CTSS: variants seen among roughly 807,000 people sequenced by gnomAD.
CTSS encodes the protein cathepsin S.
In CTSS, 15 loss-of-function variants were observed where a neutral mutation model predicts 39.9. The observed-to-expected ratio is 0.38, with a 90% CI of 0.25 to 0.58. CTSS has a LOEUF of 0.58. Among genes scored for constraint, CTSS ranks in the 20% least tolerant of loss-of-function variants. The pLI, the probability that CTSS is intolerant of heterozygous loss-of-function variation, is 0.70. For missense variants in CTSS, 250 were observed against 398.2 expected, an observed-to-expected ratio of 0.63 and a Z score of 3.17; for synonymous variants, 126 against 138.2, an observed-to-expected ratio of 0.91 and a Z score of 0.62.
intron 2 of CTSS, among the ~76,000 whole-genome samples, chr1:150,763,042 C>T (rs771425732): frequency 3.0e-4 from 45 of 149,334 alleles, no homozygotes; most frequent in African/African-American, 4.7e-4. Flanking sequence ...CATTAAAAGA[C>T]GAATGGATAA....
intron 7 of CTSS, among the ~76,000 whole-genome samples, chr1:150,738,490 ATT>A (rs200199076): frequency 1.7e-4 from 23 of 138,794 alleles, no homozygotes; most frequent in Admixed American, 1.4e-4. Flanking sequence ...GTGATCAGTG[ATT>A]TTTTTTTTTT....
chr1:150,747,798 T>C lies in CTSS; in HGVS notation c.875A>G (p.Glu292Gly). 2 of 1,612,274 alleles carry C rather than the reference T, an allele frequency of 1.2e-6. No individual in the cohort carries two copies. The highest frequency in any genetic ancestry group is 8.5e-7 in the Non-Finnish European group (1 of 1,178,402). Reference protein sequence around the residue: ...VVGYGDLNGKEYWLVKNSWGH... With the variant: ...VVGYGDLNGKGYWLVKNSWGH... The stretch of plus-strand genomic sequence containing the variant: ...TTACCTGTTTTTCACAAGCCAGTAT[T>C]CTTTCCCATTAAGATCACCATAGCC... The change falls in exon 7 of 8, where the codon GAA becomes GGA. Residue 292 changes from glutamate to glycine, a missense_variant. Glu to Gly is a moderately conservative substitution (Grantham distance 98). Transcript: ENST00000368985.
chr1:150,761,451 G>A (rs587695286), intron 2 of CTSS, among the ~76,000 whole-genome samples: 2 of 152,188 alleles, frequency 1.3e-5, no homozygotes, highest in East Asian at 3.9e-4. Flanking sequence ...GACAAAATAG[G>A]CCGGGCGTGG....
intron 7 of CTSS, among the ~76,000 whole-genome samples, chr1:150,745,333 G>A (rs1004656569): frequency 6.6e-6 from 1 of 152,072 alleles, no homozygotes; most frequent in African/African-American, 2.4e-5. Flanking sequence ...GGTCATTAGG[G>A]TGGGTCCTAA....
At position 150,732,268 on chromosome 1, in the gene CTSS, A is replaced by G. The variant is rs1652540655; in HGVS notation, c.*778T>C. 1 of 152,182 alleles carries G rather than the reference A, an allele frequency of 6.6e-6. No individual in the cohort carries two copies. Among genetic ancestry groups the G allele is most frequent in the Non-Finnish European group, 1.5e-5 (1 of 68,018 alleles). The allele number at this position is 152,182 out of a possible 1,614,324, so 9.4% of individuals were successfully genotyped here. A position where few individuals can be genotyped will look rare whatever the true frequency, so the allele number is the denominator to read the frequency against. On this transcript the variant is annotated 3_prime_UTR_variant, in exon 8 of 8. Transcript: ENST00000368985. ...TGAGTCCTTAGGACATTTATAGCCT[A>G]ATATTTTCTTCCATCAAAGTTGCTA... is the stretch of plus-strand genomic sequence containing the variant.
At chr1:150,744,856 T>G (rs2101915297) in intron 7 of CTSS, among the ~76,000 whole-genome samples, 1 of 151,396 alleles carries the variant, frequency 6.6e-6, no homozygotes, top group East Asian at 1.9e-4. Flanking sequence ...AATGAATGAG[T>G]GAAGAGAAGC....
intron 6 of CTSS, chr1:150,748,140 A>C (rs587626862): frequency 7.9e-6 from 2 of 253,702 alleles, no homozygotes; most frequent in East Asian, 1.0e-4. Flanking sequence ...AAATACAAAA[A>C]TTAGCTGGGC....
chr1:150,764,784 A>G lies in CTSS; in HGVS notation c.-1-20T>C, dbSNP rs1653336690. ...TTCATTCTGTGTAAGGAAAGGTAACATAGGAAGTGTTGCTATTAGCTGCAT... is the reference window on the plus strand; with the variant it reads ...TTCATTCTGTGTAAGGAAAGGTAACGTAGGAAGTGTTGCTATTAGCTGCAT... On this transcript the variant is annotated intron_variant, in intron 1 of 7. Coordinates refer to ENST00000368985, the MANE Select transcript of CTSS (RefSeq NM_004079.5). 1 of 1,612,426 alleles carries G rather than the reference A, an allele frequency of 6.2e-7. No individual in the cohort carries two copies. The highest frequency in any genetic ancestry group is 1.3e-5 in the African/African-American group (1 of 75,006).
rs1652550974 is a variant in CTSS at position 150,732,759 on chromosome 1, C to T, written c.*287G>A. The T allele has an allele frequency of 4.3e-6, 1 of 230,958 alleles. No individual in the cohort carries two copies. Among genetic ancestry groups the T allele is most frequent in the South Asian group, 5.9e-5 (1 of 16,886 alleles). 14.3% of individuals were successfully genotyped at this position (230,958 alleles called of 1,614,324 possible). A position where few individuals can be genotyped will look rare whatever the true frequency, so the allele number is the denominator to read the frequency against. ...AGTAGCTGGGATTACAGGCATGCAC[C>T]ACCGTGCTCGGCTAATTTTTTGTAT... On this transcript the variant is annotated 3_prime_UTR_variant, in exon 8 of 8. Transcript: ENST00000368985.
At chr1:150,755,974 C>CT (rs1311690754) in intron 3 of CTSS, among the ~76,000 whole-genome samples, 1 of 152,082 alleles carries the variant, frequency 6.6e-6, no homozygotes, top group African/African-American at 2.4e-5. Context: ...ACTTAATAAA[C>CT]TTTTAATTTT....
At chr1:150,749,755 T>C (rs1290730217) in intron 6 of CTSS, among the ~76,000 whole-genome samples, 2 of 151,070 alleles carry the variant, frequency 1.3e-5, no homozygotes, top group African/African-American at 4.9e-5. Context: ...GTTCAAGGAG[T>C]CCTCCTGCCT....
intron 7 of CTSS, among the ~76,000 whole-genome samples, chr1:150,743,394 A>G (rs587720576): frequency 6.6e-6 from 1 of 150,750 alleles, no homozygotes; most frequent in Admixed American, 6.7e-5. Flanking sequence ...TTAGACATGT[A>G]TCATTATACC....
At chr1:150,754,145 A>G (rs1443890227) in intron 4 of CTSS, among the ~76,000 whole-genome samples, 1 of 129,120 alleles carries the variant, frequency 7.7e-6, no homozygotes, top group Non-Finnish European at 1.6e-5. Context: ...ACAGGGTCTC[A>G]CTCTATCGCC....
At chr1:150,757,138 T>C (rs1048888961) in intron 3 of CTSS, among the ~76,000 whole-genome samples, 1 of 152,216 alleles carries the variant, frequency 6.6e-6, no homozygotes, top group Non-Finnish European at 1.5e-5. Context: ...TAGGATCTGG[T>C]GGGGCGAATT....
At position 150,733,184 on chromosome 1, in the gene CTSS, C is replaced by T. The variant is rs755213367; in HGVS notation, c.897-39G>A. On this transcript the variant is annotated intron_variant, in intron 7 of 7. Coordinates refer to ENST00000368985, the MANE Select transcript of CTSS (RefSeq NM_004079.5). The stretch of plus-strand genomic sequence containing the variant: ...AATAATACAAAATTACAAATGCGTA[C>T]AATCAAACCATGTTATCAACTTTTT... 1.1e-5 allele frequency: 16 copies of T among 1,453,068 alleles called. No individual in the cohort carries two copies. The South Asian group carries it at 1.3e-4, about 12-fold the overall frequency. 90.0% of individuals were successfully genotyped at this position (1,453,068 alleles called of 1,614,324 possible).
At chr1:150,738,255 T>C (rs1652674072) in intron 7 of CTSS, among the ~76,000 whole-genome samples, 1 of 152,200 alleles carries the variant, frequency 6.6e-6, no homozygotes, top group African/African-American at 2.4e-5. Flanking sequence ...AGCAGAGGTA[T>C]TGAGAAGTGC....
rs33945837 is a variant in CTSS at position 150,761,178 on chromosome 1, CAAA to C, written c.127-3201_127-3199del. ...TGGGCGACAGAGCATGAATCCGCCT[CAAA>C]AAAAAAAAAAAAAAAAGAGAGAAGA... On this transcript the variant is annotated intron_variant, in intron 2 of 7. Transcript: ENST00000368985. Among the ~76,000 whole-genome samples, 178 of 102,502 alleles carry C rather than the reference CAAA, an allele frequency of 1.7e-3. 2 individuals carry two copies. Among genetic ancestry groups the C allele is most frequent in the Admixed American group, 1.0e-3 (10 of 9,710 alleles). 67.2% of individuals were successfully genotyped at this position (102,502 alleles called of 152,430 possible). A position where few individuals can be genotyped will look rare whatever the true frequency, so the allele number is the denominator to read the frequency against.
chr1:150,737,672 A>G (rs898781814), intron 7 of CTSS, among the ~76,000 whole-genome samples: 1 of 152,202 alleles, frequency 6.6e-6, no homozygotes, highest in Non-Finnish European at 1.5e-5. Flanking sequence ...TCTTCTAGGC[A>G]TTAGGATTAC....
At chr1:150,753,179 T>C (rs1000732659) in intron 4 of CTSS, among the ~76,000 whole-genome samples, 1 of 152,144 alleles carries the variant, frequency 6.6e-6, no homozygotes, top group Non-Finnish European at 1.5e-5. Flanking sequence ...AATAAATTTT[T>C]ACTTTCTTCA....
Sources: allele counts gnomAD v4.1 joint callset (sites outside exome capture counted in the v4.1 genomes callset), GRCh38; gene constraint gnomAD v4.1.1; transcripts MANE v1.5; gene names NCBI Gene and HGNC (gene_info 2026-07-23, HGNC 2026-07-21).